ZNF462: variants seen among roughly 807,000 people sequenced by gnomAD.
The protein encoded by ZNF462 is zinc finger protein 462.
In ZNF462, 10 loss-of-function variants were observed where a neutral mutation model predicts 201.9. The observed-to-expected ratio is 0.05, with a 90% CI of 0.03 to 0.08. The LOEUF (loss-of-function observed/expected upper bound fraction) is 0.08. Among genes scored for constraint, ZNF462 ranks in the 10% least tolerant of loss-of-function variants. The pLI is 1.00. For missense variants in ZNF462, 2,523 were observed against 3,168.3 expected (o/e 0.80, Z 4.89); for synonymous variants, 1,227 against 1,193.3 (o/e 1.03, Z -0.58).
At chr9:106,990,451 G>T (rs1304582637) in intron 10 of ZNF462, among the ~76,000 whole-genome samples, 1 of 152,108 alleles carries the variant, frequency 6.6e-6, no homozygotes, top group Non-Finnish European at 1.5e-5. Context: ...CCAAGGTATA[G>T]TTTAAATCCA....
chr9:106,991,843 C>CT (rs1460500667), intron 10 of ZNF462, among the ~76,000 whole-genome samples: 37 of 82,432 alleles, frequency 4.5e-4, no homozygotes, highest in African/African-American at 2.5e-3. Context: ...ACTCTCTACA[C>CT]ACACACACAC....
At chr9:106,864,144 G>T (rs969294219) in intron 1 of ZNF462, among the ~76,000 whole-genome samples, 34 of 147,262 alleles carry the variant, frequency 2.3e-4, no homozygotes, top group Non-Finnish European at 4.2e-4. Flanking sequence ...GGGTCGGGAT[G>T]TGTCGGGGGG....
chr9:106,866,971 G>T (rs1319856169), intron 1 of ZNF462, among the ~76,000 whole-genome samples: 1 of 152,120 alleles, frequency 6.6e-6, no homozygotes, highest in Non-Finnish European at 1.5e-5. Context: ...TCAGCAGGGG[G>T]GAAACATCTG....
intron 7 of ZNF462, among the ~76,000 whole-genome samples, chr9:106,949,052 A>G (rs1831229942): frequency 6.6e-6 from 1 of 152,198 alleles, no homozygotes; most frequent in African/African-American, 2.4e-5. Flanking sequence ...ACAGTTCTTA[A>G]AAGACAAAAA....
intron 11 of ZNF462, among the ~76,000 whole-genome samples, chr9:107,007,116 T>TA (rs745332417): frequency 6.6e-6 from 1 of 152,200 alleles, no homozygotes; most frequent in Non-Finnish European, 1.5e-5. Context: ...CCTCTGGAAA[T>TA]AAACTGTTTC....
At chr9:106,987,487 G>T (rs1237767475) in intron 10 of ZNF462, among the ~76,000 whole-genome samples, 1 of 151,980 alleles carries the variant, frequency 6.6e-6, no homozygotes, top group Admixed American at 6.6e-5. Context: ...GTCTATTCAT[G>T]TCCTTAGCCC....
rs1023119803 is a variant in ZNF462, at chr9:107,011,955, A to G, written c.*925A>G. 1 of 152,114 alleles carries G rather than the reference A, an allele frequency of 6.6e-6. No homozygotes were observed. Among genetic ancestry groups the G allele is most frequent in the Non-Finnish European group, 1.5e-5 (1 of 68,022 alleles). 9.4% of individuals were successfully genotyped at this position (152,114 alleles called of 1,614,324 possible). ...TTTATTTTCTATCAATTTGAGTGTTACAAACACAGCACAATTCAGTTTTTC... is the reference window on the plus strand; with the variant it reads ...TTTATTTTCTATCAATTTGAGTGTTGCAAACACAGCACAATTCAGTTTTTC... On this transcript the variant is annotated 3_prime_UTR_variant, in exon 13 of 13. Coordinates refer to ENST00000277225, the MANE Select transcript of ZNF462 (RefSeq NM_021224.6). The surrounding 1 kb of genome is among the most constrained non-coding windows in gnomAD (Gnocchi z 5.6).
chr9:107,011,146 T>C lies in ZNF462; in HGVS notation c.*116T>C. On this transcript the variant is annotated 3_prime_UTR_variant, in exon 13 of 13. Coordinates refer to ENST00000277225, the MANE Select transcript of ZNF462 (RefSeq NM_021224.6). The surrounding 1 kb of genome is among the most constrained non-coding windows in gnomAD (Gnocchi z 5.6). The stretch of plus-strand genomic sequence containing the variant: ...GAGAAGACAGAACAAAGCTGCTTTT[T>C]AGGACTGAACAATCTATTTTCAAAG... The C allele has an allele frequency of 5.3e-6, 5 of 941,728 alleles. No individual in the cohort carries two copies. The East Asian group carries it at 1.3e-4, about 24-fold the overall frequency. The allele number at this position is 941,728 out of a possible 1,614,324, so 58.3% of individuals were successfully genotyped here.
intron 7 of ZNF462, among the ~76,000 whole-genome samples, chr9:106,955,715 T>C (rs1831543854): frequency 6.6e-6 from 1 of 152,196 alleles, no homozygotes; most frequent in South Asian, 2.1e-4. Flanking sequence ...ATCAGCTAAG[T>C]TTATGAAATA....
chr9:106,874,057 A>G (rs1827718684), intron 1 of ZNF462, among the ~76,000 whole-genome samples: 1 of 152,216 alleles, frequency 6.6e-6, no homozygotes, highest in Non-Finnish European at 1.5e-5. Context: ...CATCCATATC[A>G]TTATCTACCA....
chr9:106,896,265 T>C (rs1292535644), intron 1 of ZNF462, among the ~76,000 whole-genome samples: 1 of 152,156 alleles, frequency 6.6e-6, no homozygotes, highest in Non-Finnish European at 1.5e-5. Context: ...CACTCAAATG[T>C]TTAGTTAGTG....
chr9:106,975,575 AT>A (rs958044652), intron 9 of ZNF462: 2 of 152,242 alleles, frequency 1.3e-5, no homozygotes, highest in African/African-American at 4.8e-5. Flanking sequence ...TCATAGGAAC[AT>A]TTAGGCAGGA....
chr9:106,865,927 G>A lies in ZNF462; in HGVS notation c.-31+2572G>A, dbSNP rs1354316947. The stretch of plus-strand genomic sequence containing the variant: ...TGACCCAAGCAAAGAACTAAATCCC[G>A]AAATGCTTCAGGAATTTTTAAAAGC... On this transcript the variant is annotated intron_variant, in intron 1 of 12. Coordinates refer to ENST00000277225, the MANE Select transcript of ZNF462 (RefSeq NM_021224.6). The surrounding 1 kb of genome is among the most constrained non-coding windows in gnomAD (Gnocchi z 4.1). Among the ~76,000 whole-genome samples the A allele has an allele frequency of 6.6e-6, 1 of 152,126 alleles. No homozygotes were observed. Among genetic ancestry groups the A allele is most frequent in the Non-Finnish European group, 1.5e-5 (1 of 68,022 alleles).
At chr9:106,988,495 T>G (rs1828019751) in intron 10 of ZNF462, among the ~76,000 whole-genome samples, 1 of 152,144 alleles carries the variant, frequency 6.6e-6, no homozygotes, top group Non-Finnish European at 1.5e-5. Context: ...TTATTATTTT[T>G]GCTTAGTCTT....
chr9:106,901,781 G>C (rs1829074572), intron 1 of ZNF462, among the ~76,000 whole-genome samples: 1 of 152,104 alleles, frequency 6.6e-6, no homozygotes, highest in African/African-American at 2.4e-5. Flanking sequence ...TAGAAACTTT[G>C]CTGAATTCTT....
chr9:106,984,554 CT>C lies in ZNF462; in HGVS notation c.7056+146del, dbSNP rs1172572145. 1.5e-6 allele frequency: 1 copy of C among 646,520 alleles called. No homozygotes were observed. Among genetic ancestry groups the C allele is most frequent in the African/African-American group, 1.8e-5 (1 of 54,814 alleles). The allele number at this position is 646,520 out of a possible 1,614,324, so 40.0% of individuals were successfully genotyped here. On this transcript the variant is annotated intron_variant, in intron 10 of 12. Coordinates refer to ENST00000277225, the MANE Select transcript of ZNF462 (RefSeq NM_021224.6). This position sits in a 1 kb window ranked among gnomAD's most constrained non-coding sequence, Gnocchi z 6.4. ...CTTTTAAAGTGAGGTCTAGTTTCTT[CT>C]ATTAGAAACGTAAGGTCATTTTTAA...
chr9:106,964,613 T>C (rs1489224390), intron 7 of ZNF462, among the ~76,000 whole-genome samples: 5 of 152,092 alleles, frequency 3.3e-5, no homozygotes, highest in African/African-American at 9.7e-5. Context: ...GCAGAGTCCT[T>C]CTAGATTTTT....
rs562434064 is a variant in ZNF462 at position 106,922,190 on chromosome 9, A to G, written c.-30-1164A>G. Among the ~76,000 whole-genome samples the G allele has an allele frequency of 4.6e-5, 7 of 152,348 alleles. 1 individual carries two copies. In the South Asian group the frequency reaches 1.0e-3, roughly 23 times the overall value. On this transcript the variant is annotated intron_variant, in intron 1 of 12. Transcript: ENST00000277225. ...TTGGCTACGGTGTTAGTTCTTGGAC[A>G]TCTGGTTCTAGATTACAGTGACTCA...
chr9:106,996,394 C>T (rs1057502883), intron 10 of ZNF462, among the ~76,000 whole-genome samples: 12 of 152,126 alleles, frequency 7.9e-5, no homozygotes, highest in Admixed American at 3.9e-4. Context: ...TCACCACAGT[C>T]TTCCACAATG....
Sources: gnomAD v4.1 joint callset for allele counts (sites outside exome capture counted in the v4.1 genomes callset) on GRCh38, gnomAD v4.1.1 for gene constraint, Gnocchi (gnomAD v3.1) non-coding constraint, MANE v1.5 for transcripts, NCBI Gene and HGNC (gene_info 2026-07-23, HGNC 2026-07-21) for gene names.